Variants in VPS13D observed in about 807,000 individuals in gnomAD.
The protein encoded by VPS13D is vacuolar protein sorting 13 homolog D, also known as intermembrane lipid transfer protein VPS13D.
Under a neutral mutation model 461.9 loss-of-function variants are expected in VPS13D, and 187 were observed. The observed-to-expected ratio is 0.40, with a 90% CI of 0.36 to 0.46. The LOEUF is 0.46. Among genes scored for constraint, VPS13D ranks in the 20% least tolerant of loss-of-function variants. The pLI is 0.60. For synonymous variants in VPS13D, 1,951 were observed against 1,986.3 expected (o/e 0.98, Z 0.47); for missense variants, 4,711 against 5,364.9 (o/e 0.88, Z 3.81).
At chr1:12,407,525 A>G (rs1287840499) in intron 63 of VPS13D, among the ~76,000 whole-genome samples, 1 of 152,164 alleles carries the variant, frequency 6.6e-6, no homozygotes, top group Non-Finnish European at 1.5e-5. Flanking sequence ...AACTTTGTAT[A>G]CTACTGTATT....
At chr1:12,266,314 C>T (rs1471814717) in intron 13 of VPS13D, among the ~76,000 whole-genome samples, 3 of 152,208 alleles carry the variant, frequency 2.0e-5, no homozygotes, top group Non-Finnish European at 2.9e-5. Flanking sequence ...CAAACAGCAT[C>T]ACCTGCTACA....
chr1:12,253,458 C>T (rs556974921), intron 6 of VPS13D, among the ~76,000 whole-genome samples: 3 of 152,282 alleles, frequency 2.0e-5, no homozygotes, highest in South Asian at 2.1e-4. Flanking sequence ...TGCACAGTGA[C>T]GTTTTCTTGT....
chr1:12,412,179 G>A (rs922576062), intron 63 of VPS13D, among the ~76,000 whole-genome samples: 4 of 152,178 alleles, frequency 2.6e-5, no homozygotes, highest in African/African-American at 9.7e-5. Flanking sequence ...CATAGATGAA[G>A]GGACATACCA....
chr1:12,375,811 C>T (rs1570038856), intron 55 of VPS13D, among the ~76,000 whole-genome samples: 1 of 152,222 alleles, frequency 6.6e-6, no homozygotes, highest in African/African-American at 2.4e-5. Flanking sequence ...CTTTCTTGTT[C>T]CACATGCGCT....
At position 12,268,778 on chromosome 1, in the gene VPS13D, G is replaced by A. The variant is rs771951344; in HGVS notation, c.1874G>A (p.Arg625Gln). 13 of 1,614,014 alleles carry A rather than the reference G, an allele frequency of 8.1e-6. No homozygotes were observed. The highest frequency in any genetic ancestry group is 7.6e-6 in the Non-Finnish European group (9 of 1,179,998). Reference protein sequence around the residue: ...RNPAHSHFERRLNVSTRPLNI... With the variant: ...RNPAHSHFERQLNVSTRPLNI... ...CCGGCGCACAGCCACTTTGAGAGGC[G>A]GCTCAATGTCAGCACAAGGCCCTTG... The change falls in exon 16 of 70, where the codon CGG becomes CAG. Residue 625 changes from arginine (R) to glutamine (Q), a missense_variant. By Grantham distance (43) the Arg-to-Gln change is conservative. Coordinates refer to ENST00000620676, the MANE Select transcript of VPS13D (RefSeq NM_015378.4).
At chr1:12,353,855 T>C in intron 46 of VPS13D, 119 bp from the exon 47 acceptor site, 1 of 1,049,528 alleles carries the variant, frequency 9.5e-7, no homozygotes, top group Non-Finnish European at 1.4e-6. Context: ...GATTGAAAAC[T>C]GCAAATAATT....
At chr1:12,270,614 C>T (rs1281422087) in intron 16 of VPS13D, among the ~76,000 whole-genome samples, 1 of 151,452 alleles carries the variant, frequency 6.6e-6, no homozygotes, top group Non-Finnish European at 1.5e-5. Flanking sequence ...TCTCACTTGC[C>T]TCCTCTCCCC....
intron 60 of VPS13D, among the ~76,000 whole-genome samples, chr1:12,392,042 G>A (rs1361064632): frequency 6.6e-6 from 1 of 151,980 alleles, no homozygotes; most frequent in South Asian, 2.1e-4. Flanking sequence ...TGTATTTTTT[G>A]TGGAGACAGG....
At position 12,503,011 on chromosome 1, in the gene VPS13D, C is replaced by T. The variant is rs1212942628; in HGVS notation, c.12795-3842C>T. Among the ~76,000 whole-genome samples the T allele has an allele frequency of 2.0e-5, 3 of 152,202 alleles. No individual in the cohort carries two copies. The East Asian group carries it at 5.8e-4, about 29-fold the overall frequency. ...GCGGAGACGACTGGCATCAGGGTGG[C>T]TGGCTCCCCTGGCGAGGCTGCAGTG... On this transcript the variant is annotated intron_variant, in intron 68 of 69. Transcript: ENST00000620676.
At chr1:12,253,875 C>T (rs779014351) in intron 7 of VPS13D, 49 bp downstream of exon 7, 43 of 1,486,872 alleles carry the variant, frequency 2.9e-5, no homozygotes, top group Admixed American at 1.5e-4. Context: ...GGAAGGGAAG[C>T]GGCGTAGGGT....
In VPS13D at chr1:12,273,066, G is replaced by A. The variant is rs1414430557; in HGVS notation, c.2167G>A (p.Asp723Asn). 6.2e-7 allele frequency: 1 copy of A among 1,614,134 alleles called. No individual in the cohort carries two copies. The highest frequency in any genetic ancestry group is 1.7e-5 in the Admixed American group (1 of 60,022). ...ISAPQVIFPD[D>N]FKFKNPVLVV... ...TGCCCCTCAGGTGATATTTCCTGATGATTTCAAATTCAAGAATCCTGTGTT... is the reference window on the plus strand; with the variant it reads ...TGCCCCTCAGGTGATATTTCCTGATAATTTCAAATTCAAGAATCCTGTGTT... Residue 723 changes from aspartate (D) to asparagine (N), a missense_variant, in exon 18 of 70, where the codon GAT (aspartate) becomes AAT (asparagine). Physicochemically the swap from Asp to Asn is conservative, Grantham distance 23 (BLOSUM62 1). Coordinates refer to ENST00000620676, the MANE Select transcript of VPS13D (RefSeq NM_015378.4).
intron 1 of VPS13D, among the ~76,000 whole-genome samples, chr1:12,233,105 A>C (rs556729430): frequency 6.6e-5 from 10 of 151,680 alleles, no homozygotes; most frequent in Non-Finnish European, 1.0e-4. Context: ...TCCCGGGTTC[A>C]AGGGATTCTC....
intron 54 of VPS13D, among the ~76,000 whole-genome samples, chr1:12,371,377 G>C (rs909428590): frequency 6.6e-6 from 1 of 151,398 alleles, no homozygotes; most frequent in African/African-American, 2.4e-5. Context: ...GTAGCATGTG[G>C]CAATGCTTCA....
Position 12,277,103 on chromosome 1 carries a change from G to A in VPS13D, c.3515G>A (p.Arg1172Lys). 1 of 1,614,152 alleles carries A rather than the reference G, an allele frequency of 6.2e-7. No individual in the cohort carries two copies. The highest frequency in any genetic ancestry group is 8.5e-7 in the Non-Finnish European group (1 of 1,180,040). ...ACTGAGGTTGCAGTGGAAATCCATA[G>A]GCTGAACTTACTGCTTCTTCGGACA... Reference protein sequence around the residue: ...QNTEVAVEIHRLNLLLLRTVG... With the variant: ...QNTEVAVEIHKLNLLLLRTVG... Residue 1172 changes from arginine to lysine, a missense_variant, in exon 19 of 70, where the codon AGG becomes AAG. Arg to Lys is a conservative substitution (Grantham distance 26, BLOSUM62 2). This residue lies in a region of VPS13D where 4,411 missense variants were observed against 4,937.8 expected (regional missense o/e 0.89). Transcript: ENST00000620676.
chr1:12,330,013 GCA>G, intron 37 of VPS13D, 95 bp downstream of exon 37: 5 of 738,964 alleles, frequency 6.8e-6, no homozygotes, highest in Non-Finnish European at 8.7e-6. Flanking sequence ...GAAGGAAAGG[GCA>G]GGGGTGGGGT....
Position 12,383,063 on chromosome 1 carries a change from C to T in VPS13D, c.11278C>T (p.Pro3760Ser). Residue 3760 changes from proline (P) to serine (S), a missense_variant, in exon 58 of 70, where the codon CCT becomes TCT. Pro to Ser is a moderately conservative substitution (Grantham distance 74, BLOSUM62 -1). Transcript: ENST00000620676. ...CATGGAGCTTTTGGGGCCAGTTCCA[C>T]CTGAACAACAATTTATTAATCAAAA... ...TSMELLGPVP[P>S]EQQFINQKMR... 6.2e-7 allele frequency: 1 copy of T among 1,614,110 alleles called. No individual in the cohort carries two copies. The highest frequency in any genetic ancestry group is 8.5e-7 in the Non-Finnish European group (1 of 1,179,996).
chr1:12,387,132 T>C (rs1644360276), intron 60 of VPS13D, among the ~76,000 whole-genome samples: 1 of 152,222 alleles, frequency 6.6e-6, no homozygotes, highest in Non-Finnish European at 1.5e-5. Flanking sequence ...GGGCTAGGAA[T>C]AGTGCTTGTG....
chr1:12,304,430 TTAAAGA>T (rs1642505575), intron 25 of VPS13D, 70 bp from the exon 26 acceptor site: 5 of 1,352,986 alleles, frequency 3.7e-6, no homozygotes, highest in Middle Eastern at 5.0e-4. Context: ...TTTGGAGATA[TTAAAGA>T]TAGAGTCCCA....
chr1:12,309,189 A>G (rs1642658855), intron 27 of VPS13D, among the ~76,000 whole-genome samples: 1 of 150,712 alleles, frequency 6.6e-6, no homozygotes, highest in Admixed American at 6.6e-5. Flanking sequence ...TTCTAATTTA[A>G]TGTTTGATTT....
Sources: allele counts gnomAD v4.1 joint callset (sites outside exome capture counted in the v4.1 genomes callset), GRCh38; gene constraint gnomAD v4.1.1; regional missense constraint gnomAD v4.1.1; transcripts MANE v1.5; gene names NCBI Gene and HGNC (gene_info 2026-07-23, HGNC 2026-07-21).